Variants in ZNF407 observed in about 807,000 individuals in gnomAD.
The protein encoded by ZNF407 is zinc finger protein 407.
Under a neutral mutation model 131.2 loss-of-function variants are expected in ZNF407, and 17 were observed. The observed-to-expected ratio is 0.13, with a 90% CI of 0.09 to 0.19. ZNF407 has a LOEUF of 0.19. ZNF407 is among the 10% of genes least tolerant of loss of function. The pLI is 1.00. For synonymous variants in ZNF407, 1,156 were observed against 1,062.0 expected (o/e 1.09, Z -1.72); for missense variants, 2,681 against 2,830.6 (o/e 0.95, Z 1.20).
At position 74,845,194 on chromosome 18, in the gene ZNF407, A is replaced by C. The variant is rs558621529; in HGVS notation, c.4878-32003A>C. On this transcript the variant is annotated intron_variant, in intron 4 of 8. Coordinates refer to ENST00000299687, the MANE Select transcript of ZNF407 (RefSeq NM_017757.3). The stretch of plus-strand genomic sequence containing the variant: ...TTCATCGTAAATTAAAATTTATAAT[A>C]ATTGAAAAGAAAGCACTGTGATATG... Among the ~76,000 whole-genome samples the C allele has an allele frequency of 4.6e-5, 7 of 152,312 alleles. No homozygotes were observed. In the East Asian group the frequency reaches 1.4e-3, roughly 29 times the overall value.
rs556231100 is a variant in ZNF407 at position 74,780,958 on chromosome 18, A to G, written c.4803-470A>G. Among the ~76,000 whole-genome samples the G allele has an allele frequency of 1.2e-4, 18 of 152,296 alleles. 1 individual carries two copies. The East Asian group carries it at 3.5e-3, about 29-fold the overall frequency. On this transcript the variant is annotated intron_variant, in intron 3 of 8. Coordinates refer to ENST00000299687, the MANE Select transcript of ZNF407 (RefSeq NM_017757.3). ...TACAGTAAACATTTGTATTATTTTT[A>G]AAAACCTCTCTTCAAGTTATTACCA...
At chr18:74,701,711 G>C (rs1384955232) in intron 3 of ZNF407, among the ~76,000 whole-genome samples, 1 of 151,866 alleles carries the variant, frequency 6.6e-6, no homozygotes, top group Non-Finnish European at 1.5e-5. Flanking sequence ...CCTGATTTTT[G>C]CCTCTTAAAA....
intron 4 of ZNF407, among the ~76,000 whole-genome samples, chr18:74,835,935 T>C (rs1970552864): frequency 6.6e-6 from 1 of 151,338 alleles, no homozygotes; most frequent in Non-Finnish European, 1.5e-5. Flanking sequence ...GCAGTTTAGT[T>C]ACAGCTGAAT....
intron 4 of ZNF407, among the ~76,000 whole-genome samples, chr18:74,866,822 ATATTATTTTATTCATT>A (rs1235931706): frequency 2.0e-5 from 3 of 148,802 alleles, no homozygotes; most frequent in East Asian, 3.9e-4. Context: ...TTTATTCATT[ATATTATTTTATTCATT>A]TATTATTTTA....
At chr18:74,880,382 G>A (rs746329213) in intron 5 of ZNF407, among the ~76,000 whole-genome samples, 3 of 152,194 alleles carry the variant, frequency 2.0e-5, no homozygotes, top group Non-Finnish European at 4.4e-5. Flanking sequence ...TGAATAGTAT[G>A]AATTTTTGTA....
At chr18:74,987,944 G>A (rs1003468571) in intron 8 of ZNF407, among the ~76,000 whole-genome samples, 1 of 152,118 alleles carries the variant, frequency 6.6e-6, no homozygotes. Context: ...AAATTGATGA[G>A]CTGCTTCTAA....
chr18:74,676,603 A>ATT (rs1555676036), intron 3 of ZNF407, among the ~76,000 whole-genome samples: 12 of 151,028 alleles, frequency 7.9e-5, no homozygotes, highest in South Asian at 2.1e-4. Context: ...TGCCCGGGTA[A>ATT]TTTTGTATTT....
chr18:74,849,736 C>T (rs1970755161), intron 4 of ZNF407, among the ~76,000 whole-genome samples: 1 of 152,236 alleles, frequency 6.6e-6, no homozygotes, highest in Non-Finnish European at 1.5e-5. Context: ...TGAGACTTAC[C>T]ACCATGGGTA....
chr18:74,623,385 C>G (rs1396828744), intron 1 of ZNF407, among the ~76,000 whole-genome samples: 1 of 152,002 alleles, frequency 6.6e-6, no homozygotes, highest in Admixed American at 6.6e-5. Flanking sequence ...GGTGTGTGCA[C>G]ATGAGGGCGG....
At chr18:74,817,590 G>A (rs1040051095) in intron 4 of ZNF407, among the ~76,000 whole-genome samples, 13 of 152,054 alleles carry the variant, frequency 8.5e-5, no homozygotes, top group African/African-American at 2.7e-4. Flanking sequence ...TTACCTCATA[G>A]CATTTAGTTA....
At chr18:74,653,877 A>C (rs183546773) in intron 3 of ZNF407, among the ~76,000 whole-genome samples, 1 of 151,840 alleles carries the variant, frequency 6.6e-6, no homozygotes, top group Admixed American at 6.6e-5. Context: ...AAATGAATTG[A>C]CATTGTTGGC....
chr18:74,689,876 G>A (rs563282191), intron 3 of ZNF407, among the ~76,000 whole-genome samples: 113 of 152,278 alleles, frequency 7.4e-4, no homozygotes, highest in South Asian at 1.5e-3. Context: ...ACAGGTTCAG[G>A]CATAAGTGGG....
rs1303646647 is a variant in ZNF407, at chr18:74,632,272, G to A, written c.1253G>A (p.Arg418Gln). 5 of 1,613,814 alleles carry A rather than the reference G, an allele frequency of 3.1e-6. No homozygotes were observed. Among genetic ancestry groups the A allele is most frequent in the Admixed American group, 1.7e-5 (1 of 60,002 alleles). The change falls in exon 2 of 9, where the codon CGA (arginine) becomes CAA (glutamine). Residue 418 changes from arginine (R) to glutamine (Q), a missense_variant. By Grantham distance (43) the Arg-to-Gln change is conservative (BLOSUM62 1). This residue lies in a region of ZNF407 where 1,789 missense variants were observed against 1,748.7 expected (regional missense o/e 1.02). Transcript: ENST00000299687. The stretch of plus-strand genomic sequence containing the variant: ...GTAACCTCGAGGCCAAGACCTGAGC[G>A]AAATATTCTCGTGTTGGGTAATAGC... Reference protein sequence around the residue: ...NSVTSRPRPERNILVLGNSFR... With the variant: ...NSVTSRPRPEQNILVLGNSFR...
At chr18:74,827,033 C>T (rs1005327831) in intron 4 of ZNF407, among the ~76,000 whole-genome samples, 1 of 152,206 alleles carries the variant, frequency 6.6e-6, no homozygotes, top group Non-Finnish European at 1.5e-5. Context: ...CAAAAGGATC[C>T]AAGACCAGTT....
At chr18:74,666,750 G>T (rs181418343) in intron 3 of ZNF407, among the ~76,000 whole-genome samples, 108 of 152,236 alleles carry the variant, frequency 7.1e-4, no homozygotes, top group Non-Finnish European at 1.4e-3. Context: ...CAGAAGTCTC[G>T]GCATTGAGGC....
At chr18:74,910,663 G>A (rs764898487) in intron 7 of ZNF407, among the ~76,000 whole-genome samples, 5 of 152,084 alleles carry the variant, frequency 3.3e-5, no homozygotes, top group African/African-American at 4.8e-5. Flanking sequence ...TTTAGCCCAC[G>A]AAATTAATCG....
chr18:74,937,050 A>G (rs1271823466), intron 8 of ZNF407, among the ~76,000 whole-genome samples: 3 of 152,182 alleles, frequency 2.0e-5, no homozygotes, highest in Non-Finnish European at 4.4e-5. Context: ...AATTTTGGAC[A>G]TTTTGCTCCC....
intron 6 of ZNF407, among the ~76,000 whole-genome samples, chr18:74,884,987 G>A (rs939345914): frequency 6.6e-6 from 1 of 152,130 alleles, no homozygotes; most frequent in African/African-American, 2.4e-5. Context: ...ATAGCAGTGA[G>A]TTTTAATGCC....
At chr18:74,948,124 A>C (rs893830421) in intron 8 of ZNF407, among the ~76,000 whole-genome samples, 22 of 152,212 alleles carry the variant, frequency 1.4e-4, no homozygotes, top group Non-Finnish European at 4.4e-5. Context: ...TATAGAGGCT[A>C]CTATTCTGTT....
Sources: allele counts gnomAD v4.1 joint callset (sites outside exome capture counted in the v4.1 genomes callset), GRCh38; gene constraint gnomAD v4.1.1; regional missense constraint gnomAD v4.1.1; transcripts MANE v1.5; gene names NCBI Gene and HGNC (gene_info 2026-07-23, HGNC 2026-07-21).